CHPT1: variants seen among roughly 807,000 people sequenced by gnomAD.
The protein encoded by CHPT1 is choline phosphotransferase 1.
A neutral mutation model predicts 47.6 loss-of-function variants in CHPT1; 36 were observed. That is an observed-to-expected ratio of 0.76 (90% CI 0.58 to 1.00). The LOEUF (loss-of-function observed/expected upper bound fraction) is 1.00. Among genes scored for constraint, CHPT1 ranks in the 50% least tolerant of loss-of-function variants. The pLI is 0.00. For missense variants in CHPT1, 458 were observed against 498.1 expected, an observed-to-expected ratio of 0.92 and a Z score of 0.77; for synonymous variants, 194 against 186.3, an observed-to-expected ratio of 1.04 and a Z score of -0.33.
chr12:101,709,134 G>A (rs990776523), intron 1 of CHPT1, among the ~76,000 whole-genome samples: 2 of 148,378 alleles, frequency 1.3e-5, no homozygotes, highest in African/African-American at 2.4e-5. Context: ...GGTGGCACTC[G>A]CCTATAATCC....
chr12:101,702,432 G>A (rs1390883637), intron 1 of CHPT1, among the ~76,000 whole-genome samples: 2 of 152,152 alleles, frequency 1.3e-5, no homozygotes, highest in African/African-American at 4.8e-5. Flanking sequence ...GAACTGAAAA[G>A]TAAGTATACC....
At chr12:101,724,542 G>A (rs964427221) in intron 7 of CHPT1, among the ~76,000 whole-genome samples, 1 of 152,108 alleles carries the variant, frequency 6.6e-6, no homozygotes, top group African/African-American at 2.4e-5. Context: ...TTATTGCATC[G>A]AGAATTGTCA....
chr12:101,720,261 C>T lies in CHPT1; in HGVS notation c.780+7C>T. 1 of 1,583,574 alleles carries T rather than the reference C, an allele frequency of 6.3e-7. No individual in the cohort carries two copies. On this transcript the variant is annotated splice_region_variant and intron_variant, in intron 5 of 8. Coordinates refer to ENST00000229266, the MANE Select transcript of CHPT1 (RefSeq NM_020244.3). ...GAATGGATCCACTATAGCAGTAAGGCAATAATTTCATCATTCAGTGTCAAT... is the reference window on the plus strand; with the variant it reads ...GAATGGATCCACTATAGCAGTAAGGTAATAATTTCATCATTCAGTGTCAAT...
At chr12:101,726,031 T>C (rs773591113) in intron 7 of CHPT1, among the ~76,000 whole-genome samples, 7 of 152,092 alleles carry the variant, frequency 4.6e-5, no homozygotes, top group Non-Finnish European at 8.8e-5. Context: ...TCAGGAGAGT[T>C]GGGTTCTGTT....
intron 1 of CHPT1, among the ~76,000 whole-genome samples, chr12:101,708,816 C>T (rs1951668359): frequency 6.7e-6 from 1 of 148,330 alleles, no homozygotes; most frequent in Non-Finnish European, 1.5e-5. Flanking sequence ...AGGCTTGTCT[C>T]AAACTACTGA....
rs1224381457 is a variant in CHPT1 at position 101,723,170 on chromosome 12, C to CA, written c.784dup (p.Thr262AsnfsTer22). On this transcript the variant is annotated frameshift_variant, in exon 6 of 9. Transcript: ENST00000229266. LOFTEE classifies it high-confidence loss of function. ...TGATTTTCTGCTTTATCCCTTAGGG[C>CA]ACCAGTGTCTTGTCACCTGGACTCC... 4 of 1,610,874 alleles carry CA rather than the reference C, an allele frequency of 2.5e-6. No homozygotes were observed. Among genetic ancestry groups the CA allele is most frequent in the Middle Eastern group, 1.6e-4 (1 of 6,070 alleles).
intron 1 of CHPT1, 97 bp from the exon 2 acceptor site, chr12:101,713,993 C>G: frequency 1.4e-6 from 1 of 697,608 alleles, no homozygotes; most frequent in Non-Finnish European, 2.4e-6. Flanking sequence ...TTCTTTATAA[C>G]ACACGGGGTG....
chr12:101,728,087 T>C (rs1413703007), intron 8 of CHPT1: 2 of 152,150 alleles, frequency 1.3e-5, no homozygotes, highest in African/African-American at 4.8e-5. Flanking sequence ...CCGTCTCTAC[T>C]AAAAATACAA....
intron 8 of CHPT1, chr12:101,728,700 A>G (rs1041163350): frequency 7.2e-6 from 4 of 558,444 alleles, no homozygotes; most frequent in Admixed American, 7.0e-5. Context: ...AAAATTCACT[A>G]TCATTACTAA....
intron 8 of CHPT1, 80 bp downstream of exon 8, chr12:101,726,484 C>A: frequency 6.4e-7 from 1 of 1,565,460 alleles, no homozygotes; most frequent in South Asian, 1.2e-5. Context: ...GAAGGAAATC[C>A]CCCTGTGCAG....
At chr12:101,712,471 T>A (rs1951711236) in intron 1 of CHPT1, among the ~76,000 whole-genome samples, 1 of 148,720 alleles carries the variant, frequency 6.7e-6, no homozygotes, top group Non-Finnish European at 1.5e-5. Flanking sequence ...TTTTCATCAT[T>A]TATTTCTTCT....
Position 101,709,710 on chromosome 12 carries a change from G to A in CHPT1, c.274-4380G>A, listed in dbSNP as rs141479661. On this transcript the variant is annotated intron_variant, in intron 1 of 8. Coordinates refer to ENST00000229266, the MANE Select transcript of CHPT1 (RefSeq NM_020244.3). ...ATCATTGTGCCTTTCTGGGTTTAAA[G>A]GAAAGACTCTTGTGGCTGGCACCAT... Among the ~76,000 whole-genome samples the A allele has an allele frequency of 4.1e-3, 608 of 148,894 alleles. 31 individuals carry two copies. Among genetic ancestry groups the A allele is most frequent in the African/African-American group, 0.014 (572 of 41,228 alleles).
chr12:101,714,607 T>C lies in CHPT1; in HGVS notation c.525T>C (p.His175=). ...GGATGTTTGTGTTTTATTGCGCTCA[T>C]TGGCAGACTTATGTTTCAGGCATGT... ...FIGMFVFYCA[H]WQTYVSGMLR... is the part of the protein sequence containing the mutation. Residue 175 remains histidine, a synonymous_variant, in exon 3 of 9, where the codon CAT becomes CAC. Coordinates refer to ENST00000229266, the MANE Select transcript of CHPT1 (RefSeq NM_020244.3). 3.1e-6 allele frequency: 5 copies of C among 1,611,288 alleles called. No homozygotes were observed. Among genetic ancestry groups the C allele is most frequent in the Non-Finnish European group, 4.2e-6 (5 of 1,178,878 alleles).
rs373986667 is a variant in CHPT1 at position 101,716,697 on chromosome 12, A to G, written c.564-31A>G. The G allele has an allele frequency of 2.6e-5, 37 of 1,416,958 alleles. No homozygotes were observed. In the African/African-American group the frequency reaches 5.1e-4, roughly 20 times the overall value. 87.8% of individuals were successfully genotyped at this position (1,416,958 alleles called of 1,614,324 possible). A position where few individuals can be genotyped will look rare whatever the true frequency, so the allele number is the denominator to read the frequency against. ...ATATTCAGGAATTTTATTTACAAAC[A>G]CCTTATCTATTCTTTGTCCTTCCTC... On this transcript the variant is annotated intron_variant, in intron 3 of 8. Transcript: ENST00000229266.
intron 5 of CHPT1, among the ~76,000 whole-genome samples, chr12:101,722,030 G>A (rs1951858601): frequency 6.6e-6 from 1 of 151,476 alleles, no homozygotes. Flanking sequence ...CTGCACTTAA[G>A]CCTGGGTGAC....
At position 101,698,127 on chromosome 12, in the gene CHPT1, C is replaced by T. The variant is rs1194474533; in HGVS notation, c.266C>T (p.Thr89Ile). 6.5e-7 allele frequency: 1 copy of T among 1,529,880 alleles called. No individual in the cohort carries two copies. Among genetic ancestry groups the T allele is most frequent in the African/African-American group, 1.4e-5 (1 of 70,310 alleles). The allele number at this position is 1,529,880 out of a possible 1,614,324, so 94.8% of individuals were successfully genotyped here. ...LVLISYCPTA[T>I]EEAPYWTYLL... ...CTCATCTCCTACTGTCCCACGGCCA[C>T]CGAAGAGGTAGGGCTGGCCGATCGC... The change falls in exon 1 of 9, where the codon ACC becomes ATC. Residue 89 changes from threonine to isoleucine, a missense_variant. Transcript: ENST00000229266.
chr12:101,698,552 G>T (rs1951500463), intron 1 of CHPT1, among the ~76,000 whole-genome samples: 1 of 152,254 alleles, frequency 6.6e-6, no homozygotes, highest in Non-Finnish European at 1.5e-5. Context: ...CTTGTGCCAA[G>T]CCCGAGACGC....
chr12:101,704,324 T>C (rs933886169), intron 1 of CHPT1, among the ~76,000 whole-genome samples: 6 of 152,082 alleles, frequency 3.9e-5, no homozygotes, highest in Non-Finnish European at 8.8e-5. Flanking sequence ...TTATGTCAAC[T>C]TTAAATCAAC....
At chr12:101,702,198 C>T (rs996928484) in intron 1 of CHPT1, among the ~76,000 whole-genome samples, 2 of 152,210 alleles carry the variant, frequency 1.3e-5, no homozygotes, top group Non-Finnish European at 2.9e-5. Context: ...AGCAGTCTCT[C>T]CTACTAACTC....
Sources: allele counts gnomAD v4.1 joint callset (sites outside exome capture counted in the v4.1 genomes callset), GRCh38; gene constraint gnomAD v4.1.1; transcripts MANE v1.5; gene names NCBI Gene and HGNC (gene_info 2026-07-23, HGNC 2026-07-21).